The following SRRM4 variants were observed in gnomAD, a reference collection of about 807,000 sequenced individuals.
The protein encoded by SRRM4 is serine/arginine repetitive matrix protein 4.
Under a neutral mutation model 68.9 loss-of-function variants are expected in SRRM4, and 33 were observed. The ratio of observed to expected loss-of-function variants is 0.48; its 90% CI spans 0.36 to 0.64. The LOEUF is 0.64. Among genes scored for constraint, SRRM4 ranks in the 30% least tolerant of loss-of-function variants. The pLI is 0.00. For missense variants in SRRM4, 817 were observed against 827.1 expected (o/e 0.99, Z 0.15); for synonymous variants, 318 against 318.8 (o/e 1.00, Z 0.03).
At chr12:119,079,890 G>T (rs1449233775) in intron 1 of SRRM4, among the ~76,000 whole-genome samples, 1 of 150,730 alleles carries the variant, frequency 6.6e-6, no homozygotes, top group African/African-American at 2.4e-5. Context: ...ATATTCTGAA[G>T]TTTTTTTTTT....
intron 1 of SRRM4, among the ~76,000 whole-genome samples, chr12:119,041,849 C>T (rs191351809): frequency 5.3e-5 from 8 of 152,118 alleles, no homozygotes; most frequent in African/African-American, 1.9e-4. Flanking sequence ...TCAGTGAAAG[C>T]GGGAGAATGC....
intron 1 of SRRM4, among the ~76,000 whole-genome samples, chr12:119,095,343 G>C (rs1954037114): frequency 6.6e-6 from 1 of 152,216 alleles, no homozygotes; most frequent in Non-Finnish European, 1.5e-5. Context: ...GAAACAGGCA[G>C]AGTGTGGGTG....
intron 1 of SRRM4, among the ~76,000 whole-genome samples, chr12:119,084,290 G>C (rs1953967108): frequency 6.6e-6 from 1 of 152,150 alleles, no homozygotes; most frequent in African/African-American, 2.4e-5. Context: ...CTGCACCCTG[G>C]AACTGAGGAG....
intron 1 of SRRM4, among the ~76,000 whole-genome samples, chr12:119,073,689 T>C (rs1024027724): frequency 6.6e-6 from 1 of 152,170 alleles, no homozygotes; most frequent in African/African-American, 2.4e-5. Flanking sequence ...GACACCATCA[T>C]AGCTTACTGC....
intron 2 of SRRM4, 118 bp from the exon 3 acceptor site, chr12:119,114,160 C>A: frequency 2.8e-6 from 2 of 715,138 alleles, no homozygotes; most frequent in Non-Finnish European, 4.8e-6. Context: ...GGTAATGAGG[C>A]ACTGGCTATA....
At chr12:119,052,294 T>A (rs1048882535) in intron 1 of SRRM4, among the ~76,000 whole-genome samples, 1 of 152,182 alleles carries the variant, frequency 6.6e-6, no homozygotes, top group African/African-American at 2.4e-5. Flanking sequence ...GAGGGACAGG[T>A]AGTGAGTTTC....
chr12:119,057,620 T>C (rs920556823), intron 1 of SRRM4, among the ~76,000 whole-genome samples: 1 of 152,182 alleles, frequency 6.6e-6, no homozygotes, highest in South Asian at 2.1e-4. Flanking sequence ...GTTCATTCCA[T>C]GTCTTTGCTA....
chr12:119,006,561 CA>C (rs1953417627), intron 1 of SRRM4, among the ~76,000 whole-genome samples: 3 of 152,182 alleles, frequency 2.0e-5, no homozygotes, highest in Admixed American at 2.0e-4. Context: ...ATGGGTTCTG[CA>C]ATATGGGATC....
At chr12:119,094,976 A>T (rs1299914194) in intron 1 of SRRM4, among the ~76,000 whole-genome samples, 5 of 152,278 alleles carry the variant, frequency 3.3e-5, no homozygotes, top group Non-Finnish European at 7.3e-5. Context: ...AATTTCTACT[A>T]AAATGAACAT....
chr12:119,041,128 A>G (rs1953666168), intron 1 of SRRM4, among the ~76,000 whole-genome samples: 1 of 152,126 alleles, frequency 6.6e-6, no homozygotes, highest in African/African-American at 2.4e-5. Context: ...TTTGATTGTT[A>G]ATAATTCTGT....
At chr12:119,149,382 T>C (rs534261046) in intron 9 of SRRM4, among the ~76,000 whole-genome samples, 1 of 152,198 alleles carries the variant, frequency 6.6e-6, no homozygotes, top group Non-Finnish European at 1.5e-5. Flanking sequence ...TTCAGAAGGT[T>C]GTTGGGAATG....
chr12:119,059,191 C>T (rs74341658), intron 1 of SRRM4, among the ~76,000 whole-genome samples: 8,165 of 152,212 alleles, frequency 0.054, 299 homozygotes, highest in Middle Eastern at 0.16. Context: ...TCCCTACCCA[C>T]CCTGTCCCTT....
chr12:118,989,231 G>A (rs971327074), intron 1 of SRRM4, among the ~76,000 whole-genome samples: 11 of 152,146 alleles, frequency 7.2e-5, no homozygotes, highest in African/African-American at 2.7e-4. Context: ...GATGCAGCCA[G>A]TGATGACTTT....
At chr12:119,114,472 T>C in intron 3 of SRRM4, 108 bp downstream of exon 3, 2 of 806,408 alleles carry the variant, frequency 2.5e-6, no homozygotes, top group Non-Finnish European at 4.1e-6. Context: ...CCCTCTCTGA[T>C]GCTTAACTAG....
At chr12:119,002,291 T>A (rs1224057587) in intron 1 of SRRM4, among the ~76,000 whole-genome samples, 2 of 152,226 alleles carry the variant, frequency 1.3e-5, no homozygotes, top group Admixed American at 6.5e-5. Flanking sequence ...TGACGGTTTT[T>A]TTCCCTTGCA....
chr12:119,103,958 G>A (rs1315748057), intron 2 of SRRM4, among the ~76,000 whole-genome samples: 6 of 152,166 alleles, frequency 3.9e-5, no homozygotes, highest in South Asian at 4.1e-4. Context: ...AGCCGAGATC[G>A]CACCACAGCG....
At chr12:118,988,611 A>G (rs925525836) in intron 1 of SRRM4, among the ~76,000 whole-genome samples, 1 of 152,210 alleles carries the variant, frequency 6.6e-6, no homozygotes, top group Admixed American at 6.5e-5. Flanking sequence ...ATTAATACAC[A>G]AAGTGGAAGA....
intron 1 of SRRM4, among the ~76,000 whole-genome samples, chr12:119,032,862 T>TTTATG (rs1565893615): frequency 1.3e-5 from 2 of 152,168 alleles, no homozygotes; most frequent in African/African-American, 4.8e-5. Context: ...AATATGGTAA[T>TTTATG]TTATGTTTCC....
chr12:119,003,278 G>A (rs952994946), intron 1 of SRRM4, among the ~76,000 whole-genome samples: 10 of 151,246 alleles, frequency 6.6e-5, no homozygotes, highest in South Asian at 2.1e-4. Flanking sequence ...CCCATCCCCC[G>A]CCACCAGCGT....
Sources: allele counts gnomAD v4.1 joint callset (sites outside exome capture counted in the v4.1 genomes callset), GRCh38; gene constraint gnomAD v4.1.1; transcripts MANE v1.5; gene names NCBI Gene and HGNC (gene_info 2026-07-23, HGNC 2026-07-21).